The following ERBB4 variants were observed in gnomAD, a reference collection of about 807,000 sequenced individuals.
ERBB4 encodes the protein erb-b2 receptor tyrosine kinase 4.
A neutral mutation model predicts 158.0 loss-of-function variants in ERBB4; 42 were observed. The ratio of observed to expected loss-of-function variants is 0.27; its 90% CI spans 0.21 to 0.34. The LOEUF is 0.34. Ranked by LOEUF, ERBB4 falls within the 10% of genes least tolerant of loss-of-function variation. The pLI is 1.00. For missense variants in ERBB4, 1,333 were observed against 1,624.1 expected (o/e 0.82, Z 3.08); for synonymous variants, 583 against 558.7 (o/e 1.04, Z -0.61).
At chr2:212,282,046 T>C (rs2085777368) in intron 1 of ERBB4, among the ~76,000 whole-genome samples, 1 of 151,836 alleles carries the variant, frequency 6.6e-6, no homozygotes, top group South Asian at 2.1e-4. Context: ...AATGAACAAT[T>C]TGATCATTTA....
At position 212,484,164 on chromosome 2, in the gene ERBB4, C is replaced by T. The variant is rs957403223; in HGVS notation, c.82+54285G>A. On this transcript the variant is annotated intron_variant, in intron 1 of 27. Coordinates refer to ENST00000342788, the MANE Select transcript of ERBB4 (RefSeq NM_005235.3). Reference sequence around the variant, plus strand: ...AAAATAAAAACTCAGTGTTCTAAATCCCAGTTGTGACTTCTGGACCATCAC... The same window carrying T: ...AAAATAAAAACTCAGTGTTCTAAATTCCAGTTGTGACTTCTGGACCATCAC... Among the ~76,000 whole-genome samples, 8 of 152,144 alleles carry T rather than the reference C, an allele frequency of 5.3e-5. 1 individual carries two copies. The highest frequency in any genetic ancestry group is 1.9e-4 in the African/African-American group (8 of 41,436).
intron 2 of ERBB4, among the ~76,000 whole-genome samples, chr2:212,042,760 A>G (rs1575555799): frequency 1.3e-5 from 2 of 152,134 alleles, no homozygotes; most frequent in East Asian, 1.9e-4. Flanking sequence ...TACAATTTTA[A>G]TGCCTCCAAA....
At chr2:212,079,195 A>G (rs1458011201) in intron 2 of ERBB4, among the ~76,000 whole-genome samples, 1 of 127,724 alleles carries the variant, frequency 7.8e-6, no homozygotes, top group Non-Finnish European at 1.7e-5. Context: ...GAATGTAAAG[A>G]TCCCATTTTT....
chr2:211,587,651 A>T (rs1054081353), intron 19 of ERBB4, among the ~76,000 whole-genome samples: 2 of 152,188 alleles, frequency 1.3e-5, no homozygotes, highest in East Asian at 1.9e-4. Flanking sequence ...GGGAAAAAAA[A>T]AAAGTACAGT....
chr2:211,563,929 C>T (rs1021116388), intron 19 of ERBB4, among the ~76,000 whole-genome samples: 5 of 152,096 alleles, frequency 3.3e-5, no homozygotes, highest in African/African-American at 1.2e-4. Context: ...CATTGTATTA[C>T]TCTTGAACAT....
chr2:211,961,393 C>G (rs777016726), intron 2 of ERBB4, among the ~76,000 whole-genome samples: 1 of 152,132 alleles, frequency 6.6e-6, no homozygotes, highest in Non-Finnish European at 1.5e-5. Flanking sequence ...TGACACAAAT[C>G]TCTTTTGATA....
chr2:212,052,893 C>G (rs1559393242), intron 2 of ERBB4, among the ~76,000 whole-genome samples: 1 of 152,176 alleles, frequency 6.6e-6, no homozygotes, highest in African/African-American at 2.4e-5. Context: ...TCTGTTCTCC[C>G]ATTTGACATC....
chr2:211,996,233 CAT>C (rs1232925241), intron 2 of ERBB4, among the ~76,000 whole-genome samples: 2 of 151,792 alleles, frequency 1.3e-5, no homozygotes, highest in African/African-American at 4.8e-5. Context: ...TGCAAGACTC[CAT>C]ATCTTTTCAT....
At chr2:212,294,636 A>T (rs138783422) in intron 1 of ERBB4, among the ~76,000 whole-genome samples, 24 of 152,120 alleles carry the variant, frequency 1.6e-4, no homozygotes, top group African/African-American at 5.5e-4. Flanking sequence ...AACTATACTT[A>T]CAATATAAAA....
chr2:212,081,731 T>G (rs1291056144), intron 2 of ERBB4, among the ~76,000 whole-genome samples: 2 of 152,156 alleles, frequency 1.3e-5, no homozygotes, highest in Non-Finnish European at 2.9e-5. Flanking sequence ...TGTAGCTGAT[T>G]CCATAAACAT....
chr2:211,746,827 CAA>C (rs11332306), intron 5 of ERBB4, among the ~76,000 whole-genome samples: 2,503 of 105,520 alleles, frequency 0.024, 63 homozygotes, highest in African/African-American at 0.079. Context: ...GAGACTGTCT[CAA>C]AAAAAAAAAA....
chr2:212,476,418 A>T lies in ERBB4; in HGVS notation c.82+62031T>A, dbSNP rs534139386. ...GGTAAACACACGGCATAGAAATTTT[A>T]AAAAACTCAAAAATGTACATATCCT... On this transcript the variant is annotated intron_variant, in intron 1 of 27. Transcript: ENST00000342788. 3.9e-5 allele frequency among the ~76,000 whole-genome samples: 6 copies of T among 152,226 alleles called. No individual in the cohort carries two copies. In the South Asian group the frequency reaches 1.0e-3, roughly 26 times the overall value.
Position 212,149,071 on chromosome 2 carries a change from C to T in ERBB4, c.83-24168G>A, listed in dbSNP as rs113364179. ...GGGAGATATACCTAATGCTAGATGA[C>T]GAGTTAGTGGGTGCAGCACACCAGC... On this transcript the variant is annotated intron_variant, in intron 1 of 27. Coordinates refer to ENST00000342788, the MANE Select transcript of ERBB4 (RefSeq NM_005235.3). Among the ~76,000 whole-genome samples the T allele has an allele frequency of 1.4e-4, 20 of 144,040 alleles. 1 individual carries two copies. The highest frequency in any genetic ancestry group is 4.4e-4 in the African/African-American group (17 of 38,558). The allele number at this position is 144,040 out of a possible 152,430, so 94.5% of individuals were successfully genotyped here. A position where few individuals can be genotyped will look rare whatever the true frequency, so the allele number is the denominator to read the frequency against.
intron 5 of ERBB4, among the ~76,000 whole-genome samples, chr2:211,727,817 A>T (rs988259815): frequency 5.9e-5 from 9 of 152,060 alleles, no homozygotes; most frequent in Non-Finnish European, 1.3e-4. Flanking sequence ...AATAAAGTTT[A>T]AACTAAAATG....
At chr2:211,769,226 T>C (rs576453046) in intron 4 of ERBB4, among the ~76,000 whole-genome samples, 3 of 152,258 alleles carry the variant, frequency 2.0e-5, no homozygotes, top group Non-Finnish European at 2.9e-5. Flanking sequence ...CTCATATCCA[T>C]TTGAGACCAC....
chr2:211,407,747 A>G (rs1050470948), intron 25 of ERBB4, among the ~76,000 whole-genome samples: 1 of 152,232 alleles, frequency 6.6e-6, no homozygotes, highest in Admixed American at 6.6e-5. Flanking sequence ...TCTCTTTAGA[A>G]CACGCTGCTA....
At chr2:212,121,225 T>A (rs941044804) in intron 2 of ERBB4, among the ~76,000 whole-genome samples, 1 of 152,064 alleles carries the variant, frequency 6.6e-6, no homozygotes. Flanking sequence ...ATTCTGGTTT[T>A]TTGTTTGTTT....
At chr2:212,263,783 A>C (rs1476676775) in intron 1 of ERBB4, among the ~76,000 whole-genome samples, 1 of 151,954 alleles carries the variant, frequency 6.6e-6, no homozygotes, top group Non-Finnish European at 1.5e-5. Flanking sequence ...AAACTTGACC[A>C]CCAGAATCAA....
intron 3 of ERBB4, among the ~76,000 whole-genome samples, chr2:211,880,157 T>C (rs1293277132): frequency 1.3e-5 from 2 of 152,194 alleles, no homozygotes; most frequent in East Asian, 3.9e-4. Context: ...AGACAGTGTT[T>C]TGTTTTCTTC....
Sources: gnomAD v4.1 joint callset for allele counts (sites outside exome capture counted in the v4.1 genomes callset) on GRCh38, gnomAD v4.1.1 for gene constraint, MANE v1.5 for transcripts, NCBI Gene and HGNC (gene_info 2026-07-23, HGNC 2026-07-21) for gene names.